The following LARGE1 variants were observed in gnomAD, a reference collection of about 807,000 sequenced individuals.
LARGE1 encodes xylosyl- and glucuronyltransferase LARGE1.
A neutral mutation model predicts 87.6 loss-of-function variants in LARGE1; 43 were observed. That is an observed-to-expected ratio of 0.49 (90% CI 0.38 to 0.63). The LOEUF (loss-of-function observed/expected upper bound fraction) is 0.63, where lower values mean the gene tolerates loss of function less well. Among genes scored for constraint, LARGE1 ranks in the 30% least tolerant of loss-of-function variants. The pLI is 0.00. For synonymous variants in LARGE1, 434 were observed against 394.6 expected, an observed-to-expected ratio of 1.10 and a Z score of -1.18; for missense variants, 802 against 1,000.2, an observed-to-expected ratio of 0.80 and a Z score of 2.67.
intron 11 of LARGE1, among the ~76,000 whole-genome samples, chr22:33,206,249 C>A (rs1924677825): frequency 6.6e-6 from 1 of 151,778 alleles, no homozygotes; most frequent in African/African-American, 2.4e-5. Flanking sequence ...AGCCACTGCG[C>A]CCGGCCTAAC....
intron 6 of LARGE1, among the ~76,000 whole-genome samples, chr22:33,517,833 A>G (rs2148485168): frequency 6.6e-6 from 1 of 152,378 alleles, no homozygotes; most frequent in African/African-American, 2.4e-5. Flanking sequence ...TCCCACAGAT[A>G]CAATATACCT....
At chr22:33,857,694 C>G (rs895583175) in intron 1 of LARGE1, among the ~76,000 whole-genome samples, 3 of 152,336 alleles carry the variant, frequency 2.0e-5, no homozygotes, top group Admixed American at 6.5e-5. Flanking sequence ...GGGCAGTTAT[C>G]TGCTTAAGAC....
intron 7 of LARGE1, among the ~76,000 whole-genome samples, chr22:33,404,679 G>C (rs575971703): frequency 6.6e-6 from 1 of 152,206 alleles, no homozygotes; most frequent in Non-Finnish European, 1.5e-5. Context: ...CAGCTTTCTC[G>C]TGTCAATCGT....
intron 11 of LARGE1, among the ~76,000 whole-genome samples, chr22:33,260,540 C>T (rs1310367886): frequency 6.6e-6 from 1 of 151,314 alleles, no homozygotes; most frequent in Non-Finnish European, 1.5e-5. Context: ...AGGATCACAG[C>T]GTCTATTTCA....
chr22:33,629,998 G>A (rs1430781913), intron 3 of LARGE1, among the ~76,000 whole-genome samples: 3 of 152,182 alleles, frequency 2.0e-5, no homozygotes, highest in Non-Finnish European at 4.4e-5. Flanking sequence ...AAGAGTTCAA[G>A]ACCAGCCTGG....
chr22:33,241,404 T>C (rs1926506697), intron 11 of LARGE1, among the ~76,000 whole-genome samples: 1 of 152,114 alleles, frequency 6.6e-6, no homozygotes, highest in Non-Finnish European at 1.5e-5. Flanking sequence ...CATGATGCTC[T>C]TTGGAGGCAG....
At chr22:33,805,621 C>T (rs934042103) in intron 1 of LARGE1, among the ~76,000 whole-genome samples, 1 of 151,990 alleles carries the variant, frequency 6.6e-6, no homozygotes, top group African/African-American at 2.4e-5. Context: ...GTAATCCCAG[C>T]TACTGGGGAG....
At chr22:33,640,081 G>A (rs2080382883) in intron 3 of LARGE1, among the ~76,000 whole-genome samples, 1 of 152,198 alleles carries the variant, frequency 6.6e-6, no homozygotes, top group Non-Finnish European at 1.5e-5. Context: ...ACGTGGCCCT[G>A]CACCGTGACA....
intron 11 of LARGE1, among the ~76,000 whole-genome samples, chr22:33,176,004 T>A (rs2146149861): frequency 6.6e-6 from 1 of 152,100 alleles, no homozygotes; most frequent in African/African-American, 2.4e-5. Flanking sequence ...ACACCACACA[T>A]CTACAACCAT....
intron 4 of LARGE1, among the ~76,000 whole-genome samples, chr22:33,625,271 G>C (rs1449987919): frequency 6.6e-6 from 1 of 152,162 alleles, no homozygotes; most frequent in Admixed American, 6.5e-5. Flanking sequence ...ACACCATTCT[G>C]GATAGGACCC....
chr22:33,526,454 C>T (rs1173048520), intron 6 of LARGE1, among the ~76,000 whole-genome samples: 1 of 152,258 alleles, frequency 6.6e-6, no homozygotes, highest in East Asian at 1.9e-4. Flanking sequence ...GACTTGGAGC[C>T]TTTGCAGGCA....
At chr22:33,883,099 C>A (rs573086582) in intron 1 of LARGE1, among the ~76,000 whole-genome samples, 3 of 152,098 alleles carry the variant, frequency 2.0e-5, no homozygotes, top group Non-Finnish European at 4.4e-5. Context: ...GAAGTCTGTG[C>A]GGCAGGAAGC....
In LARGE1 at chr22:33,311,253, C is replaced by A. The variant is rs1326477320; in HGVS notation, c.1451+4832G>T. Among the ~76,000 whole-genome samples, 6 of 152,260 alleles carry A rather than the reference C, an allele frequency of 3.9e-5. No homozygotes were observed. The East Asian group carries it at 1.2e-3, about 29-fold the overall frequency. On this transcript the variant is annotated intron_variant, in intron 11 of 14. Coordinates refer to ENST00000397394, the MANE Select transcript of LARGE1 (RefSeq NM_133642.5). ...GGGATTACAGGCGTGAGCCACCGCG[C>A]CCGGCCCCGGACTTTCTTTTAAATG...
At chr22:33,542,000 TA>T (rs2148646121) in intron 6 of LARGE1, among the ~76,000 whole-genome samples, 1 of 151,450 alleles carries the variant, frequency 6.6e-6, no homozygotes, top group South Asian at 2.1e-4. Flanking sequence ...CCATCTCTAC[TA>T]AAATACAAAA....
At chr22:33,857,074 G>C (rs974154210) in intron 1 of LARGE1, among the ~76,000 whole-genome samples, 2 of 152,150 alleles carry the variant, frequency 1.3e-5, no homozygotes, top group Admixed American at 1.3e-4. Flanking sequence ...GGGATTACAG[G>C]CTCAGCTAAT....
intron 1 of LARGE1, among the ~76,000 whole-genome samples, chr22:33,845,286 T>A (rs979055143): frequency 2.0e-5 from 3 of 152,092 alleles, no homozygotes; most frequent in South Asian, 2.1e-4. Flanking sequence ...ATGGGATGTA[T>A]AATGGATCTT....
At chr22:33,593,332 T>G (rs1208512692) in intron 5 of LARGE1, among the ~76,000 whole-genome samples, 1 of 152,060 alleles carries the variant, frequency 6.6e-6, no homozygotes, top group Non-Finnish European at 1.5e-5. Context: ...CGTGAGCCAC[T>G]GCACCTGGCC....
At chr22:33,136,786 G>A in the LARGE1 span, among the ~76,000 whole-genome samples, 6 of 152,258 alleles carry the variant, frequency 3.9e-5, no homozygotes, top group Admixed American at 3.9e-4. Context: ...TGAAGCTTGG[G>A]ACATGTGATC....
chr22:33,428,243 G>A (rs953957261), intron 7 of LARGE1, among the ~76,000 whole-genome samples: 4 of 151,952 alleles, frequency 2.6e-5, no homozygotes, highest in Non-Finnish European at 5.9e-5. Context: ...CTTACTTTGT[G>A]CCCTGGATCA....
Sources: gnomAD v4.1 joint callset for allele counts (sites outside exome capture counted in the v4.1 genomes callset) on GRCh38, gnomAD v4.1.1 for gene constraint, MANE v1.5 for transcripts, NCBI Gene and HGNC (gene_info 2026-07-23, HGNC 2026-07-21) for gene names.